Variants in ERC1 observed in about 807,000 individuals in gnomAD.
ERC1 encodes the protein ELKS/RAB6-interacting/CAST family member 1.
Under a neutral mutation model 132.0 loss-of-function variants are expected in ERC1, and 56 were observed. The ratio of observed to expected loss-of-function variants is 0.42; its 90% CI spans 0.34 to 0.53. The LOEUF is 0.53. ERC1 is among the 20% of genes least tolerant of loss of function. ERC1 has a pLI of 0.03. For synonymous variants in ERC1, 478 were observed against 476.1 expected, an observed-to-expected ratio of 1.00 and a Z score of -0.05; for missense variants, 1,202 against 1,349.9, an observed-to-expected ratio of 0.89 and a Z score of 1.72.
At chr12:1,113,834 C>G (rs796877344) in intron 6 of ERC1, among the ~76,000 whole-genome samples, 9 of 152,216 alleles carry the variant, frequency 5.9e-5, no homozygotes, top group African/African-American at 2.2e-4. Flanking sequence ...CTCCTTATTA[C>G]TAATTAGGAA....
intron 2 of ERC1, among the ~76,000 whole-genome samples, chr12:1,080,121 CA>C (rs1327977610): frequency 6.6e-6 from 1 of 152,172 alleles, no homozygotes; most frequent in Non-Finnish European, 1.5e-5. Flanking sequence ...TCTCTCCAAC[CA>C]ATTTTTTTAT....
intron 8 of ERC1, among the ~76,000 whole-genome samples, chr12:1,154,085 AG>A (rs925194057): frequency 3.3e-5 from 5 of 152,072 alleles, no homozygotes; most frequent in African/African-American, 1.2e-4. Flanking sequence ...GAGAACATGC[AG>A]TATTTGGTTT....
intron 1 of ERC1, among the ~76,000 whole-genome samples, chr12:992,005 G>C (rs1959545284): frequency 6.6e-6 from 1 of 152,012 alleles, no homozygotes; most frequent in South Asian, 2.1e-4. Flanking sequence ...GGAGAGGGAA[G>C]AGAATCCCCT....
At chr12:1,346,948 C>CAAAA (rs58842053) in intron 15 of ERC1, among the ~76,000 whole-genome samples, 3 of 106,076 alleles carry the variant, frequency 2.8e-5, no homozygotes, top group African/African-American at 7.8e-5. Flanking sequence ...GACTCCGTCT[C>CAAAA]AAAAAAAAAA....
chr12:1,104,722 T>C (rs1439027359), intron 3 of ERC1, 28 bp from the exon 4 acceptor site: 20 of 1,548,464 alleles, frequency 1.3e-5, no homozygotes, highest in African/African-American at 2.7e-5. Context: ...AGGAGAGCAC[T>C]GAATCTCTTT....
intron 7 of ERC1, among the ~76,000 whole-genome samples, chr12:1,129,427 G>A (rs537169952): frequency 3.9e-5 from 6 of 152,214 alleles, no homozygotes; most frequent in Non-Finnish European, 7.3e-5. Context: ...AGTCGAAGGC[G>A]AGAGTATCCC....
At chr12:1,470,446 TTTTG>T (rs1347421933) in intron 18 of ERC1, among the ~76,000 whole-genome samples, 4 of 151,840 alleles carry the variant, frequency 2.6e-5, no homozygotes, top group Non-Finnish European at 4.4e-5. Flanking sequence ...TTGGGGTTTT[TTTTG>T]TTTTTTTTTT....
chr12:1,144,808 C>G (rs1419373083), intron 8 of ERC1, among the ~76,000 whole-genome samples: 2 of 151,832 alleles, frequency 1.3e-5, no homozygotes, highest in African/African-American at 4.8e-5. Context: ...TGGGTAGATA[C>G]CAGTAGTGGG....
rs775689550 is a variant in ERC1, at chr12:1,028,028, C to G, written c.125C>G (p.Ser42Trp). Residue 42 changes from serine to tryptophan, a missense_variant, in exon 2 of 19, where the codon TCG (serine) becomes TGG (tryptophan). Physicochemically the swap from Ser to Trp is radical, Grantham distance 177 (BLOSUM62 -3). Transcript: ENST00000360905. ...HRRTNSTGGS[S>W]GSSVGGGSGK... is the part of the protein sequence containing the mutation. ...CGAACCAACAGTACGGGAGGGAGTTCGGGAAGCAGTGTTGGAGGTGGCAGT... is the reference window on the plus strand; with the variant it reads ...CGAACCAACAGTACGGGAGGGAGTTGGGGAAGCAGTGTTGGAGGTGGCAGT... 4.3e-6 allele frequency: 7 copies of G among 1,613,980 alleles called. No individual in the cohort carries two copies. Among genetic ancestry groups the G allele is most frequent in the Non-Finnish European group, 5.9e-6 (7 of 1,180,040 alleles).
chr12:1,359,256 G>A (rs1179368100), intron 15 of ERC1, among the ~76,000 whole-genome samples: 1 of 152,174 alleles, frequency 6.6e-6, no homozygotes, highest in African/African-American at 2.4e-5. Flanking sequence ...TTCTTTACGA[G>A]TTCTGTCAAA....
rs529301457 is a variant in ERC1 at position 1,210,919 on chromosome 12, C to T, written c.2351+20867C>T. Reference sequence around the variant, plus strand: ...CTGAGGCAGGAGAGTCTCTTGAACCCGGGAGGTAGAGGTTGCAGTGAGCTG... The same window carrying T: ...CTGAGGCAGGAGAGTCTCTTGAACCTGGGAGGTAGAGGTTGCAGTGAGCTG... On this transcript the variant is annotated intron_variant, in intron 12 of 18. Coordinates refer to ENST00000360905, the MANE Select transcript of ERC1 (RefSeq NM_178040.4). 4.7e-4 allele frequency among the ~76,000 whole-genome samples: 71 copies of T among 150,776 alleles called. 1 individual carries two copies. The highest frequency in any genetic ancestry group is 8.1e-4 in the Non-Finnish European group (55 of 67,828).
intron 18 of ERC1, among the ~76,000 whole-genome samples, chr12:1,446,313 T>A (rs1290841807): frequency 6.6e-6 from 1 of 152,136 alleles, no homozygotes; most frequent in Non-Finnish European, 1.5e-5. Context: ...AAAGAAAAAG[T>A]GAATAAACAT....
At chr12:1,235,304 A>G (rs992600137) in intron 12 of ERC1, among the ~76,000 whole-genome samples, 4 of 152,236 alleles carry the variant, frequency 2.6e-5, no homozygotes, top group Non-Finnish European at 5.9e-5. Flanking sequence ...GGCTGCAGTG[A>G]GCGGAGATTG....
chr12:1,472,570 A>G (rs755607275), intron 18 of ERC1, among the ~76,000 whole-genome samples: 18 of 151,974 alleles, frequency 1.2e-4, no homozygotes, highest in Non-Finnish European at 2.4e-4. Flanking sequence ...GAATCACTTC[A>G]GCCCAAGAGG....
intron 15 of ERC1, among the ~76,000 whole-genome samples, chr12:1,341,068 T>G (rs1353044644): frequency 5.1e-5 from 5 of 97,774 alleles, no homozygotes; most frequent in African/African-American, 1.5e-4. Context: ...CTTTTCTTTT[T>G]CTTTTTTTTT....
intron 14 of ERC1, among the ~76,000 whole-genome samples, chr12:1,279,177 A>G (rs2078489615): frequency 6.6e-6 from 1 of 152,138 alleles, no homozygotes; most frequent in African/African-American, 2.4e-5. Flanking sequence ...TAAAATTTTT[A>G]GAAATCGAGT....
chr12:1,400,004 C>G (rs1307004380), intron 16 of ERC1, among the ~76,000 whole-genome samples: 1 of 152,110 alleles, frequency 6.6e-6, no homozygotes, highest in East Asian at 1.9e-4. Context: ...ACAATCCCAC[C>G]AGCAATATAT....
At chr12:1,484,077 G>A (rs1341080669) in intron 18 of ERC1, among the ~76,000 whole-genome samples, 5 of 61,410 alleles carry the variant, frequency 8.1e-5, no homozygotes, top group East Asian at 3.3e-4. Flanking sequence ...AGGCTGAGGC[G>A]GGCGGATCAC....
intron 8 of ERC1, among the ~76,000 whole-genome samples, chr12:1,162,010 G>A (rs957127300): frequency 2.0e-5 from 3 of 152,228 alleles, no homozygotes; most frequent in South Asian, 2.1e-4. Context: ...TATGGTAATC[G>A]CTGGGTTATA....
Sources: gnomAD v4.1 joint callset for allele counts (sites outside exome capture counted in the v4.1 genomes callset) on GRCh38, gnomAD v4.1.1 for gene constraint, MANE v1.5 for transcripts, NCBI Gene and HGNC (gene_info 2026-07-23, HGNC 2026-07-21) for gene names.